Variants in IGSF10 observed in about 807,000 individuals in gnomAD.
IGSF10 encodes the protein immunoglobulin superfamily member 10.
Under a neutral mutation model 128.2 loss-of-function variants are expected in IGSF10, and 126 were observed. That is an observed-to-expected ratio of 0.98 (90% CI 0.85 to 1.14). IGSF10 has a LOEUF of 1.14. Among genes scored for constraint, IGSF10 ranks in the 50% most tolerant of loss-of-function variants. The pLI, the probability that IGSF10 is intolerant of heterozygous loss-of-function variation, is 0.00. For missense variants in IGSF10, 3,295 were observed against 3,149.8 expected, an observed-to-expected ratio of 1.05 and a Z score of -1.10; for synonymous variants, 1,185 against 1,146.2, an observed-to-expected ratio of 1.03 and a Z score of -0.68.
At chr3:151,550,883 C>T in the IGSF10 span, among the ~76,000 whole-genome samples, 1 of 152,102 alleles carries the variant, frequency 6.6e-6, no homozygotes, top group Admixed American at 6.6e-5. Flanking sequence ...ACGCTCCTGC[C>T]TGCGATTGTA....
chr3:151,513,526 C>T, the IGSF10 span, among the ~76,000 whole-genome samples: 11 of 152,096 alleles, frequency 7.2e-5, no homozygotes, highest in Admixed American at 2.6e-4. Flanking sequence ...CTTGAATGGG[C>T]AAAAACTGGA....
At chr3:151,616,081 C>G in the IGSF10 span, among the ~76,000 whole-genome samples, 1 of 151,558 alleles carries the variant, frequency 6.6e-6, no homozygotes, top group Admixed American at 6.6e-5. Flanking sequence ...TCTCCTGCCT[C>G]AGCCTCCCAA....
the IGSF10 span, among the ~76,000 whole-genome samples, chr3:151,616,840 A>G: frequency 6.6e-6 from 1 of 152,192 alleles, no homozygotes; most frequent in Non-Finnish European, 1.5e-5. Flanking sequence ...TAAGTTATAA[A>G]GAAAAAAAAT....
the IGSF10 span, among the ~76,000 whole-genome samples, chr3:151,617,293 TTCTTC>T: frequency 1.6e-5 from 2 of 128,964 alleles, no homozygotes; most frequent in Non-Finnish European, 3.2e-5. Flanking sequence ...CTTCTTCTTC[TTCTTC>T]TTCTTCTTCT....
At chr3:151,489,522 CAT>C in the IGSF10 span, among the ~76,000 whole-genome samples, 1,795 of 152,212 alleles carry the variant, frequency 0.012, 91 homozygotes, top group East Asian at 0.17. Flanking sequence ...CACATACACA[CAT>C]ATGTTTATTG....
At chr3:151,483,506 A>T in the IGSF10 span, among the ~76,000 whole-genome samples, 1 of 152,176 alleles carries the variant, frequency 6.6e-6, no homozygotes, top group Non-Finnish European at 1.5e-5. Flanking sequence ...AAAAGAAAAG[A>T]GGGGGGATTG....
At position 151,448,745 on chromosome 3, in the gene IGSF10, T is replaced by C; in HGVS notation, c.1236A>G (p.Glu412=). The C allele has an allele frequency of 6.2e-7, 1 of 1,613,710 alleles. No individual in the cohort carries two copies. The highest frequency in any genetic ancestry group is 8.5e-7 in the Non-Finnish European group (1 of 1,179,614). The change falls in exon 6 of 8, where the codon GAA becomes GAG. Residue 412 remains glutamate (E), a synonymous_variant. Transcript: ENST00000282466. The part of the protein sequence containing the change: ...YKYKQVAPKP[E]DIFTNIEADL... Reference sequence around the variant, plus strand: ...CTGCCTCTATGTTGGTAAAAATGTCTTCAGGCTTAGGAGCCACCTGTTTAT... The same window carrying C: ...CTGCCTCTATGTTGGTAAAAATGTCCTCAGGCTTAGGAGCCACCTGTTTAT...
the IGSF10 span, among the ~76,000 whole-genome samples, chr3:151,534,752 A>G: frequency 6.6e-6 from 1 of 151,730 alleles, no homozygotes; most frequent in East Asian, 1.9e-4. Context: ...GTGTGTACCT[A>G]TGTAACAAAC....
the IGSF10 span, among the ~76,000 whole-genome samples, chr3:151,566,319 T>C: frequency 1.1e-4 from 17 of 152,164 alleles, no homozygotes; most frequent in East Asian, 3.3e-3. Flanking sequence ...AGGTCTCCTC[T>C]GCTCTCCCCA....
chr3:151,584,854 A>T, the IGSF10 span, among the ~76,000 whole-genome samples: 1 of 152,160 alleles, frequency 6.6e-6, no homozygotes, highest in Non-Finnish European at 1.5e-5. Context: ...GGAAGCTGTG[A>T]GTCATTAGCA....
the IGSF10 span, among the ~76,000 whole-genome samples, chr3:151,512,746 A>C: frequency 6.6e-6 from 1 of 152,222 alleles, no homozygotes; most frequent in African/African-American, 2.4e-5. Flanking sequence ...AAGAGACAAG[A>C]ATCAAATAGA....
At chr3:151,607,006 G>C in the IGSF10 span, among the ~76,000 whole-genome samples, 1 of 152,140 alleles carries the variant, frequency 6.6e-6, no homozygotes, top group African/African-American at 2.4e-5. Context: ...CTGGGAACTA[G>C]TTTACTGGAC....
At chr3:151,522,633 T>C in the IGSF10 span, among the ~76,000 whole-genome samples, 1 of 152,104 alleles carries the variant, frequency 6.6e-6, no homozygotes, top group African/African-American at 2.4e-5. Flanking sequence ...TTTGATAAAA[T>C]TCAACACACT....
the IGSF10 span, chr3:151,499,937 G>A: frequency 6.6e-6 from 1 of 150,974 alleles, no homozygotes; most frequent in Admixed American, 6.6e-5. Context: ...GATTTTGGTT[G>A]AAGTTATACT....
chr3:151,572,506 G>A, the IGSF10 span, among the ~76,000 whole-genome samples: 8 of 152,062 alleles, frequency 5.3e-5, no homozygotes, highest in African/African-American at 1.7e-4. Context: ...GTTTATTTGC[G>A]TAGAGGTGTT....
the IGSF10 span, among the ~76,000 whole-genome samples, chr3:151,528,063 T>C: frequency 6.6e-6 from 1 of 152,206 alleles, no homozygotes; most frequent in Admixed American, 6.5e-5. Flanking sequence ...ACCATGAAGA[T>C]AATACTCACA....
chr3:151,533,568 T>C, the IGSF10 span, among the ~76,000 whole-genome samples: 1 of 152,310 alleles, frequency 6.6e-6, no homozygotes, highest in Non-Finnish European at 1.5e-5. Flanking sequence ...ATTCCCTATT[T>C]CATAAATGGT....
the IGSF10 span, chr3:151,475,665 G>A: frequency 1.3e-5 from 2 of 152,250 alleles, no homozygotes; most frequent in Admixed American, 6.5e-5. Flanking sequence ...CTGTAAGTTT[G>A]TTCTGACCAT....
the IGSF10 span, among the ~76,000 whole-genome samples, chr3:151,541,121 C>T: frequency 0.019 from 2,903 of 152,224 alleles, 102 homozygotes; most frequent in African/African-American, 0.066. Context: ...AAAATACCCT[C>T]AAAACCTCAG....
Sources: gnomAD v4.1 joint callset for allele counts (sites outside exome capture counted in the v4.1 genomes callset) on GRCh38, gnomAD v4.1.1 for gene constraint, MANE v1.5 for transcripts, NCBI Gene and HGNC (gene_info 2026-07-23, HGNC 2026-07-21) for gene names.